Variants in SP1 observed in about 807,000 individuals in gnomAD.
SP1 encodes Sp1 transcription factor.
Under a neutral mutation model 66.3 loss-of-function variants are expected in SP1, and 6 were observed. The observed-to-expected ratio is 0.09, with a 90% CI of 0.05 to 0.18. SP1 has a LOEUF of 0.18. SP1 is among the 10% of genes least tolerant of loss of function. SP1 has a pLI of 1.00. For missense variants in SP1, 848 were observed against 964.5 expected, an observed-to-expected ratio of 0.88 and a Z score of 1.60; for synonymous variants, 417 against 360.8, an observed-to-expected ratio of 1.16 and a Z score of -1.77.
chr12:53,396,838 T>C (rs796826915), intron 3 of SP1, among the ~76,000 whole-genome samples: 1 of 152,114 alleles, frequency 6.6e-6, no homozygotes, highest in Non-Finnish European at 1.5e-5. Context: ...TGAACATGGC[T>C]AACTGCAGCC....
chr12:53,404,327 C>T (rs552868066), intron 3 of SP1, among the ~76,000 whole-genome samples: 10 of 151,952 alleles, frequency 6.6e-5, no homozygotes, highest in African/African-American at 1.7e-4. Context: ...GTCAGGAGTT[C>T]GAGACCAGCC....
At position 53,412,785 on chromosome 12, in the gene SP1, G is replaced by T. The variant is rs566873137; in HGVS notation, c.*1545G>T. ...AAGAGACTGATCCAAAAATTATAAC[G>T]GCAGGGAACCTAGTGCATTTGGCAC... On this transcript the variant is annotated 3_prime_UTR_variant, in exon 6 of 6. Transcript: ENST00000327443. The T allele has an allele frequency of 6.6e-6, 1 of 152,648 alleles. No homozygotes were observed. Among genetic ancestry groups the T allele is most frequent in the East Asian group, 1.9e-4 (1 of 5,188 alleles). The allele number at this position is 152,648 out of a possible 1,614,324, so 9.5% of individuals were successfully genotyped here. A position where few individuals can be genotyped will look rare whatever the true frequency, so the allele number is the denominator to read the frequency against.
chr12:53,385,603 A>T lies in SP1; in HGVS notation c.1675+1981A>T, dbSNP rs960526916. ...GAGCGAGACTCCGTCTCAAAAAAAA[A>T]AAAAATAAATAAAAATAAATTTGAT... On this transcript the variant is annotated intron_variant, in intron 3 of 5. Transcript: ENST00000327443. Among the ~76,000 whole-genome samples the T allele has an allele frequency of 6.3e-5, 9 of 143,680 alleles. No individual in the cohort carries two copies. In the East Asian group the frequency reaches 8.1e-4, roughly 13 times the overall value. The allele number at this position is 143,680 out of a possible 152,430, so 94.3% of individuals were successfully genotyped here. A position where few individuals can be genotyped will look rare whatever the true frequency, so the allele number is the denominator to read the frequency against.
intron 3 of SP1, among the ~76,000 whole-genome samples, chr12:53,403,844 C>T (rs1938666609): frequency 6.6e-6 from 1 of 151,804 alleles, no homozygotes; most frequent in African/African-American, 2.4e-5. Context: ...AGCTCGAGAT[C>T]AGCCTGGACA....
chr12:53,391,127 A>C (rs551070822), intron 3 of SP1, among the ~76,000 whole-genome samples: 1 of 152,192 alleles, frequency 6.6e-6, no homozygotes, highest in South Asian at 2.1e-4. Flanking sequence ...TTTAATAGAA[A>C]AGCAAGCACA....
At position 53,383,033 on chromosome 12, in the gene SP1, A is replaced by G. The variant is rs749733275; in HGVS notation, c.1086A>G (p.Leu362=). 4.3e-6 allele frequency: 7 copies of G among 1,614,170 alleles called. No homozygotes were observed. In the South Asian group the frequency reaches 6.6e-5, roughly 15 times the overall value. ...QGQTPQRVSG[L]QGSDALNIQQ... is the part of the protein sequence containing the mutation. Reference sequence around the variant, plus strand: ...AGACACCCCAGAGGGTCAGTGGGCTACAGGGGTCTGATGCTCTGAACATCC... The same window carrying G: ...AGACACCCCAGAGGGTCAGTGGGCTGCAGGGGTCTGATGCTCTGAACATCC... Residue 362 remains leucine, a synonymous_variant, in exon 3 of 6, where the codon CTA becomes CTG. Coordinates refer to ENST00000327443, the MANE Select transcript of SP1 (RefSeq NM_138473.3).
intron 3 of SP1, among the ~76,000 whole-genome samples, chr12:53,390,720 G>A (rs1233826942): frequency 6.6e-6 from 1 of 152,084 alleles, no homozygotes; most frequent in Non-Finnish European, 1.5e-5. Context: ...TTGAAAATCA[G>A]TGGGATATGA....
At position 53,396,602 on chromosome 12, in the gene SP1, G is replaced by A. The variant is rs528562741; in HGVS notation, c.1676-9983G>A. On this transcript the variant is annotated intron_variant, in intron 3 of 5. Transcript: ENST00000327443. ...ACAAAACAAAACAAAAAACAGATAA[G>A]GTTGCTGCCTTCATAGTGTGCTTCT... 7.3e-4 allele frequency among the ~76,000 whole-genome samples: 111 copies of A among 152,158 alleles called. 1 individual carries two copies. The highest frequency in any genetic ancestry group is 2.6e-3 in the African/African-American group (107 of 41,536).
intron 5 of SP1, among the ~76,000 whole-genome samples, chr12:53,409,946 C>A (rs907189569): frequency 6.6e-6 from 1 of 151,516 alleles, no homozygotes; most frequent in Non-Finnish European, 1.5e-5. Context: ...GGAGGCGGAG[C>A]TTGCAATGAG....
chr12:53,413,480 T>C lies in SP1; in HGVS notation c.*2240T>C, dbSNP rs1026576055. The C allele has an allele frequency of 5.2e-5, 8 of 152,656 alleles. No homozygotes were observed. Among genetic ancestry groups the C allele is most frequent in the African/African-American group, 1.9e-4 (8 of 41,454 alleles). 9.5% of individuals were successfully genotyped at this position (152,656 alleles called of 1,614,324 possible). ...TCTGAACTATAGTAACTTAATACTCTAAACAATAGTTCACTCCATTTGGTC... is the reference window on the plus strand; with the variant it reads ...TCTGAACTATAGTAACTTAATACTCCAAACAATAGTTCACTCCATTTGGTC... On this transcript the variant is annotated 3_prime_UTR_variant, in exon 6 of 6. Transcript: ENST00000327443.
intron 3 of SP1, among the ~76,000 whole-genome samples, chr12:53,389,145 A>C (rs918914771): frequency 6.6e-6 from 1 of 151,812 alleles, no homozygotes; most frequent in Non-Finnish European, 1.5e-5. Context: ...GATATATTAC[A>C]TGATTGTGGA....
chr12:53,380,649 C>G (rs1938066529), intron 1 of SP1: 4 of 994,908 alleles, frequency 4.0e-6, no homozygotes, highest in Non-Finnish European at 4.8e-6. Flanking sequence ...AGCGAAGGCC[C>G]CGCCCGGGCC....
chr12:53,409,883 G>A (rs996207371), intron 5 of SP1, among the ~76,000 whole-genome samples: 3 of 152,154 alleles, frequency 2.0e-5, no homozygotes, highest in Admixed American at 6.5e-5. Context: ...GGTGGCAGGC[G>A]CCTGTAGTTG....
At chr12:53,397,425 A>G (rs1444948623) in intron 3 of SP1, among the ~76,000 whole-genome samples, 1 of 151,506 alleles carries the variant, frequency 6.6e-6, no homozygotes, top group African/African-American at 2.4e-5. Flanking sequence ...TTTATGAGGT[A>G]ATTTAAGACA....
At chr12:53,403,726 T>C (rs981620062) in intron 3 of SP1, among the ~76,000 whole-genome samples, 4 of 152,088 alleles carry the variant, frequency 2.6e-5, no homozygotes, top group Non-Finnish European at 5.9e-5. Flanking sequence ...TACTTATTTA[T>C]AGTAAATGCT....
At chr12:53,409,336 A>G in intron 4 of SP1, 26 bp from the exon 5 acceptor site, 2 of 1,596,774 alleles carry the variant, frequency 1.3e-6, no homozygotes, top group Non-Finnish European at 1.7e-6. Context: ...AGAATGAATG[A>G]TTAACAGTTG....
Position 53,382,795 on chromosome 12 carries a change from C to T in SP1, c.848C>T (p.Ala283Val), listed in dbSNP as rs749203906. The T allele has an allele frequency of 6.2e-7, 1 of 1,614,154 alleles. No homozygotes were observed. The highest frequency in any genetic ancestry group is 8.5e-7 in the Non-Finnish European group (1 of 1,179,988). The change falls in exon 3 of 6, where the codon GCA (alanine) becomes GTA (valine). Residue 283 changes from alanine (A) to valine (V), a missense_variant. Physicochemically the swap from Ala to Val is moderately conservative, Grantham distance 64. Coordinates refer to ENST00000327443, the MANE Select transcript of SP1 (RefSeq NM_138473.3). ...GCTACCTTGACTCCCAGCTCTCAGG[C>T]AGTCACGATCAGCAGCTCTGGGTCC... ...SAATLTPSSQ[A>V]VTISSSGSQE...
intron 3 of SP1, among the ~76,000 whole-genome samples, chr12:53,390,165 TATGAAAGA>T (rs1346397083): frequency 1.3e-5 from 2 of 152,238 alleles, no homozygotes; most frequent in African/African-American, 4.8e-5. Flanking sequence ...CAAAAGGTCA[TATGAAAGA>T]ATTTTCTATT....
At chr12:53,383,973 CTTT>C (rs56055478) in intron 3 of SP1, among the ~76,000 whole-genome samples, 2 of 132,944 alleles carry the variant, frequency 1.5e-5, no homozygotes, top group Admixed American at 7.3e-5. Flanking sequence ...ATTTTCTTTT[CTTT>C]TTTTTTTTTT....
Sources: allele counts gnomAD v4.1 joint callset (sites outside exome capture counted in the v4.1 genomes callset), GRCh38; gene constraint gnomAD v4.1.1; transcripts MANE v1.5; gene names NCBI Gene and HGNC (gene_info 2026-07-23, HGNC 2026-07-21).